Variants in SORBS2 observed in about 807,000 individuals in gnomAD.
The protein encoded by SORBS2 is sorbin and SH3 domain containing 2.
A neutral mutation model predicts 97.7 loss-of-function variants in SORBS2; 46 were observed. The observed-to-expected ratio is 0.47, with a 90% CI of 0.37 to 0.60. The LOEUF (loss-of-function observed/expected upper bound fraction) is 0.60, where lower values mean the gene tolerates loss of function less well. Ranked by LOEUF, SORBS2 falls within the 20% of genes least tolerant of loss-of-function variation. SORBS2 has a pLI of 0.00. For missense variants in SORBS2, 1,316 were observed against 1,282.3 expected (o/e 1.03, Z -0.40); for synonymous variants, 476 against 473.4 (o/e 1.01, Z -0.07).
intron 11 of SORBS2, among the ~76,000 whole-genome samples, chr4:185,614,159 G>GTTTTTTTTTT (rs34929054): frequency 6.3e-3 from 573 of 91,498 alleles, no homozygotes; most frequent in Non-Finnish European, 8.4e-3. Flanking sequence ...GTTTTTTTGT[G>GTTTTTTTTTT]TTTTTTTTTT....
rs574530939 is a variant in SORBS2 at position 185,723,177 on chromosome 4, A to G, written c.-197-44355T>C. On this transcript the variant is annotated intron_variant, in intron 2 of 20. Transcript: ENST00000284776. ...AATAAAATAAATCCCACAGCCACTA[A>G]AAGCATATCGTATTTGGGGCACAAC... Among the ~76,000 whole-genome samples the G allele has an allele frequency of 2.6e-5, 4 of 152,340 alleles. No individual in the cohort carries two copies. The South Asian group carries it at 8.3e-4, about 32-fold the overall frequency.
intron 4 of SORBS2, chr4:185,677,134 C>A: frequency 6.4e-7 from 1 of 1,551,670 alleles, no homozygotes; most frequent in Non-Finnish European, 8.7e-7. Flanking sequence ...GAAAGGGGAG[C>A]TATCTGAATG....
intron 1 of SORBS2, among the ~76,000 whole-genome samples, chr4:185,891,034 G>T (rs72496335): frequency 3.3e-5 from 5 of 152,158 alleles, no homozygotes; most frequent in African/African-American, 9.7e-5. Context: ...AAATAAAGGC[G>T]TCAGGACAGA....
chr4:185,760,293 G>A (rs767377009), intron 2 of SORBS2, among the ~76,000 whole-genome samples: 16 of 152,232 alleles, frequency 1.1e-4, no homozygotes, highest in Non-Finnish European at 1.5e-4. Flanking sequence ...GCCATGCAGT[G>A]CCTCATGCCT....
chr4:185,764,173 A>G (rs2098920918), intron 2 of SORBS2, among the ~76,000 whole-genome samples: 1 of 152,174 alleles, frequency 6.6e-6, no homozygotes, highest in African/African-American at 2.4e-5. Context: ...ACTGCTCTCC[A>G]TAGTCCTGTA....
chr4:185,892,377 T>C (rs1186500647), intron 1 of SORBS2, among the ~76,000 whole-genome samples: 1 of 152,166 alleles, frequency 6.6e-6, no homozygotes, highest in Non-Finnish European at 1.5e-5. Context: ...ACATTTCCTT[T>C]TTGCAAACAT....
chr4:185,602,417 C>T lies in SORBS2; in HGVS notation c.2797-8482G>A, dbSNP rs187394592. Among the ~76,000 whole-genome samples, 255 of 152,286 alleles carry T rather than the reference C, an allele frequency of 1.7e-3. 1 individual carries two copies. The highest frequency in any genetic ancestry group is 4.4e-3 in the Admixed American group (67 of 15,302). ...TATACATTAAACATAATTTATGTAT[C>T]TTTCAGTCATCTGTAATCTATAAAG... On this transcript the variant is annotated intron_variant, in intron 12 of 14. Coordinates refer to ENST00000418609, the Ensembl canonical transcript of SORBS2.
chr4:185,821,912 C>T (rs1416797226), intron 1 of SORBS2, among the ~76,000 whole-genome samples: 1 of 152,124 alleles, frequency 6.6e-6, no homozygotes, highest in Non-Finnish European at 1.5e-5. Flanking sequence ...GCAAGGTATT[C>T]ATATTAGTTG....
At chr4:185,815,963 G>A (rs1044958506) in intron 1 of SORBS2, among the ~76,000 whole-genome samples, 3 of 152,218 alleles carry the variant, frequency 2.0e-5, no homozygotes, top group Non-Finnish European at 4.4e-5. Context: ...GTTAAGATTA[G>A]TTGATGAAGA....
intron 1 of SORBS2, among the ~76,000 whole-genome samples, chr4:185,911,789 G>A (rs1391788945): frequency 2.0e-5 from 3 of 152,140 alleles, no homozygotes; most frequent in Admixed American, 2.0e-4. Context: ...AGGATCTCTT[G>A]CAGAAAAAAT....
chr4:185,723,680 C>T (rs985944538), intron 2 of SORBS2, among the ~76,000 whole-genome samples: 2 of 152,140 alleles, frequency 1.3e-5, no homozygotes, highest in Non-Finnish European at 2.9e-5. Flanking sequence ...GGAAATGTAA[C>T]AGCTTTTGAA....
intron 1 of SORBS2, among the ~76,000 whole-genome samples, chr4:185,786,987 A>AG (rs1327713668): frequency 6.6e-6 from 1 of 150,870 alleles, no homozygotes; most frequent in East Asian, 2.0e-4. Context: ...TCTCAAAAAA[A>AG]AAAAAAAATA....
intron 1 of SORBS2, among the ~76,000 whole-genome samples, chr4:185,880,250 C>G (rs188724171): frequency 6.6e-6 from 1 of 152,200 alleles, no homozygotes; most frequent in Non-Finnish European, 1.5e-5. Flanking sequence ...AGGCAACCCA[C>G]TCCCATTTAA....
chr4:185,827,750 C>CCATCAT (rs2099202258), intron 1 of SORBS2, among the ~76,000 whole-genome samples: 5 of 36,022 alleles, frequency 1.4e-4, no homozygotes, highest in African/African-American at 5.5e-4. Flanking sequence ...ACCATCATCA[C>CCATCAT]CATCATCACC....
chr4:185,618,741 A>G, intron 8 of SORBS2, 110 bp from the exon 21 acceptor site: 1 of 556,614 alleles, frequency 1.8e-6, no homozygotes, highest in Non-Finnish European at 3.2e-6. Flanking sequence ...CATCAAACAT[A>G]TGTAATGTTA....
chr4:185,638,479 A>G (rs1561580406), intron 4 of SORBS2, among the ~76,000 whole-genome samples: 3 of 152,134 alleles, frequency 2.0e-5, no homozygotes, highest in Admixed American at 6.5e-5. Flanking sequence ...TCTCTGCGGC[A>G]GCGAGACTGG....
At chr4:185,720,058 C>T (rs189580322) in intron 2 of SORBS2, among the ~76,000 whole-genome samples, 5 of 152,288 alleles carry the variant, frequency 3.3e-5, no homozygotes, top group African/African-American at 9.6e-5. Flanking sequence ...CTGGCTGGAA[C>T]GCAGAACTGA....
chr4:185,587,063 T>C (rs2095808685), exon 15 of SORBS2: 1 of 152,932 alleles, frequency 6.5e-6, no homozygotes, highest in African/African-American at 2.4e-5. Flanking sequence ...GTAATCACTG[T>C]GCATATTACA....
chr4:185,833,349 C>T (rs2099206172), intron 1 of SORBS2, among the ~76,000 whole-genome samples: 1 of 152,184 alleles, frequency 6.6e-6, no homozygotes, highest in South Asian at 2.1e-4. Flanking sequence ...TTAAGCATTC[C>T]AGAACCTGGT....
Sources: allele counts gnomAD v4.1 joint callset (sites outside exome capture counted in the v4.1 genomes callset), GRCh38; gene constraint gnomAD v4.1.1; transcripts MANE v1.5; gene names NCBI Gene and HGNC (gene_info 2026-07-23, HGNC 2026-07-21).